Variants in LRRK1 observed in about 807,000 individuals in gnomAD.
LRRK1 encodes leucine rich repeat kinase 1.
LRRK1 carries 113 observed loss-of-function variants against 209.1 expected under a neutral mutation model. The observed-to-expected ratio is 0.54, with a 90% CI of 0.46 to 0.63. LRRK1 has a LOEUF of 0.63. LRRK1 is among the 30% of genes least tolerant of loss of function. LRRK1 has a pLI of 0.00. For missense variants in LRRK1, 2,284 were observed against 2,632.2 expected, an observed-to-expected ratio of 0.87 and a Z score of 2.89; for synonymous variants, 1,144 against 1,099.7, an observed-to-expected ratio of 1.04 and a Z score of -0.80.
rs116220430 is a variant in LRRK1 at position 101,049,462 on chromosome 15, G to T, written c.3300-182G>T. The stretch of plus-strand genomic sequence containing the variant: ...TGCCTCCTTCACCAGGCCAGGTCCG[G>T]GGCAAGAACAAGGCAGGGCCACGCA... On this transcript the variant is annotated intron_variant, in intron 22 of 33. Coordinates refer to ENST00000388948, the MANE Select transcript of LRRK1 (RefSeq NM_024652.6). 3.8e-3 allele frequency: 2,251 copies of T among 593,724 alleles called. 36 individuals carry two copies. The highest frequency in any genetic ancestry group is 0.038 in the African/African-American group (1,992 of 53,012). 36.8% of individuals were successfully genotyped at this position (593,724 alleles called of 1,614,324 possible). A position where few individuals can be genotyped will look rare whatever the true frequency, so the allele number is the denominator to read the frequency against.
At chr15:101,011,653 C>G (rs892682946) in intron 9 of LRRK1, among the ~76,000 whole-genome samples, 2 of 152,082 alleles carry the variant, frequency 1.3e-5, no homozygotes, top group Non-Finnish European at 2.9e-5. Flanking sequence ...AACTCTTCAT[C>G]ACTGGCATTA....
Position 100,940,458 on chromosome 15 carries a change from C to A in LRRK1, c.97+15729C>A, listed in dbSNP as rs556889997. On this transcript the variant is annotated intron_variant, in intron 2 of 33. Coordinates refer to ENST00000388948, the MANE Select transcript of LRRK1 (RefSeq NM_024652.6). ...TCTCTCACTCTTTTATCTCTGCTCC[C>A]GGCCTCCTTGTCTTTTGGTGCTGCA... Among the ~76,000 whole-genome samples the A allele has an allele frequency of 1.2e-4, 18 of 152,176 alleles. 1 individual carries two copies. Among genetic ancestry groups the A allele is most frequent in the Admixed American group, 2.0e-4 (3 of 15,276 alleles).
At chr15:100,980,890 C>T (rs894126879) in intron 3 of LRRK1, among the ~76,000 whole-genome samples, 1 of 152,178 alleles carries the variant, frequency 6.6e-6, no homozygotes, top group Non-Finnish European at 1.5e-5. Context: ...TGGGTGTATT[C>T]AAATGCCTTG....
chr15:100,961,647 G>T (rs529181293), intron 2 of LRRK1, among the ~76,000 whole-genome samples: 1 of 30,452 alleles, frequency 3.3e-5, no homozygotes, highest in South Asian at 1.3e-3. Context: ...GTGAGACTCC[G>T]TCAAAAAAAA....
intron 15 of LRRK1, among the ~76,000 whole-genome samples, chr15:101,023,507 G>A (rs752978439): frequency 6.6e-6 from 1 of 152,130 alleles, no homozygotes; most frequent in Non-Finnish European, 1.5e-5. Flanking sequence ...CTGAGCTCGG[G>A]GAACGAACAC....
In LRRK1 at chr15:100,939,786, A is replaced by T. The variant is rs137975324; in HGVS notation, c.97+15057A>T. Among the ~76,000 whole-genome samples the T allele has an allele frequency of 1.8e-3, 279 of 152,276 alleles. 3 individuals are homozygous for T. Among genetic ancestry groups the T allele is most frequent in the African/African-American group, 6.1e-3 (253 of 41,554 alleles). ...CAGTTTGTACAGCAAAGTCGGGGTA[A>T]ATAGTTGGGTTTTTTTCTCTTAGTT... On this transcript the variant is annotated intron_variant, in intron 2 of 33. Transcript: ENST00000388948.
chr15:101,031,970 G>A (rs1596300509), intron 20 of LRRK1, among the ~76,000 whole-genome samples: 1 of 152,152 alleles, frequency 6.6e-6, no homozygotes, highest in East Asian at 1.9e-4. Context: ...TCCTGACCTC[G>A]TGATCCGCCT....
chr15:101,001,172 T>C (rs1433106059), intron 6 of LRRK1, among the ~76,000 whole-genome samples: 1 of 152,160 alleles, frequency 6.6e-6, no homozygotes, highest in Non-Finnish European at 1.5e-5. Context: ...AGAGCTGCTG[T>C]CTGTGGTGTT....
chr15:100,965,556 G>A (rs1355446631), intron 2 of LRRK1, among the ~76,000 whole-genome samples: 1 of 152,148 alleles, frequency 6.6e-6, no homozygotes, highest in East Asian at 1.9e-4. Context: ...TATTGTAAAT[G>A]TTTCTTGTCA....
At chr15:101,028,613 C>T (rs1022361796) in intron 19 of LRRK1, among the ~76,000 whole-genome samples, 1 of 152,276 alleles carries the variant, frequency 6.6e-6, no homozygotes, top group African/African-American at 2.4e-5. Context: ...AATTTTTCAC[C>T]ACTCAGCACA....
At chr15:100,971,235 G>A (rs191129361) in intron 2 of LRRK1, among the ~76,000 whole-genome samples, 3 of 151,664 alleles carry the variant, frequency 2.0e-5, no homozygotes, top group South Asian at 2.1e-4. Flanking sequence ...TCAGGAGGTT[G>A]AGGCATGAGA....
In LRRK1 at chr15:101,029,054, G is replaced by A. The variant is rs766875506; in HGVS notation, c.2785G>A (p.Glu929Lys). The A allele has an allele frequency of 1.5e-5, 24 of 1,614,044 alleles. No individual in the cohort carries two copies. In the East Asian group the frequency reaches 2.2e-4, roughly 15 times the overall value. Residue 929 changes from glutamate (E) to lysine (K), a missense_variant, in exon 20 of 34, where the codon GAA becomes AAA. This residue lies in a region of LRRK1 where 780 missense variants were observed against 985.2 expected (regional missense o/e 0.79). Transcript: ENST00000388948. Reference sequence around the variant, plus strand: ...CTTCCTCGACCCTATTTGGCTCTCCGAATGTCTGCAGAGGATCTTTAATAT... The same window carrying A: ...CTTCCTCGACCCTATTTGGCTCTCCAAATGTCTGCAGAGGATCTTTAATAT... The part of the protein sequence containing the change: ...LYFLDPIWLS[E>K]CLQRIFNIKG...
chr15:101,061,160 G>A lies in LRRK1; in HGVS notation c.4680-11G>A. The stretch of plus-strand genomic sequence containing the variant: ...CCCGGGCACTGACAGCACAGTTTCT[G>A]CCACTTACAGGAACTACACGGTGGT... On this transcript the variant is annotated splice_polypyrimidine_tract_variant and intron_variant, in intron 29 of 33. Coordinates refer to ENST00000388948, the MANE Select transcript of LRRK1 (RefSeq NM_024652.6). The A allele has an allele frequency of 1.8e-6, 2 of 1,120,118 alleles. No homozygotes were observed. Among genetic ancestry groups the A allele is most frequent in the Non-Finnish European group, 2.6e-6 (2 of 757,576 alleles). 69.4% of individuals were successfully genotyped at this position (1,120,118 alleles called of 1,614,324 possible).
chr15:101,051,946 C>G lies in LRRK1; in HGVS notation c.3675C>G (p.Thr1225=), dbSNP rs377378620. 1 of 1,613,174 alleles carries G rather than the reference C, an allele frequency of 6.2e-7. No homozygotes were observed. Among genetic ancestry groups the G allele is most frequent in the African/African-American group, 1.3e-5 (1 of 74,940 alleles). The change falls in exon 24 of 34, where the codon ACC becomes ACG. Residue 1225 remains threonine, a synonymous_variant. Coordinates refer to ENST00000388948, the MANE Select transcript of LRRK1 (RefSeq NM_024652.6). ...LQELVPELFM[T]DFPARLFLEN... is the part of the protein sequence containing the mutation. The stretch of plus-strand genomic sequence containing the variant: ...AGCTGGTCCCTGAACTGTTCATGAC[C>G]GACTTCCCGGCCAGGTATGCCCCGA...
intron 2 of LRRK1, among the ~76,000 whole-genome samples, chr15:100,950,404 G>T (rs752353979): frequency 3.9e-5 from 6 of 152,184 alleles, no homozygotes; most frequent in Non-Finnish European, 8.8e-5. Flanking sequence ...ATAATGGTAA[G>T]ATGGCAATAC....
At chr15:101,047,172 C>T (rs2035127140) in intron 21 of LRRK1, among the ~76,000 whole-genome samples, 1 of 152,218 alleles carries the variant, frequency 6.6e-6, no homozygotes, top group Non-Finnish European at 1.5e-5. Context: ...AATTAGAAAG[C>T]CCTTATTGAA....
Position 101,017,945 on chromosome 15 carries a change from G to T in LRRK1, c.1609+2543G>T, listed in dbSNP as rs542496450. On this transcript the variant is annotated intron_variant, in intron 12 of 33. Coordinates refer to ENST00000388948, the MANE Select transcript of LRRK1 (RefSeq NM_024652.6). Reference sequence around the variant, plus strand: ...AAACAATAACATTTAAGGAATATAGGTATAACTTTGCTATGAGGGAGATCT... The same window carrying T: ...AAACAATAACATTTAAGGAATATAGTTATAACTTTGCTATGAGGGAGATCT... Among the ~76,000 whole-genome samples the T allele has an allele frequency of 5.9e-5, 9 of 151,914 alleles. No homozygotes were observed. In the East Asian group the frequency reaches 1.7e-3, roughly 29 times the overall value.
At chr15:100,968,387 A>G (rs1349872388) in intron 2 of LRRK1, among the ~76,000 whole-genome samples, 2 of 152,116 alleles carry the variant, frequency 1.3e-5, no homozygotes, top group African/African-American at 2.4e-5. Context: ...GTAGGTATAC[A>G]TGTAGTTTTA....
At chr15:100,974,149 A>G (rs923190134) in intron 3 of LRRK1, 182 bp downstream of exon 3, 7 of 456,204 alleles carry the variant, frequency 1.5e-5, no homozygotes, top group South Asian at 1.2e-4. Context: ...TCTCAGTCTG[A>G]TATCACCTAA....
Sources: gnomAD v4.1 joint callset for allele counts (sites outside exome capture counted in the v4.1 genomes callset) on GRCh38, gnomAD v4.1.1 for gene constraint, gnomAD v4.1.1 regional missense constraint, MANE v1.5 for transcripts, NCBI Gene and HGNC (gene_info 2026-07-23, HGNC 2026-07-21) for gene names.